Variants in RALYL observed in about 807,000 individuals in gnomAD.
RALYL encodes RNA-binding Raly-like protein.
In RALYL, 29 loss-of-function variants were observed where a neutral mutation model predicts 35.1. The ratio of observed to expected loss-of-function variants is 0.83; its 90% CI spans 0.61 to 1.13. RALYL has a LOEUF of 1.13. Among genes scored for constraint, RALYL ranks in the 50% most tolerant of loss-of-function variants. RALYL has a pLI of 0.00. For synonymous variants in RALYL, 120 were observed against 127.6 expected (o/e 0.94, Z 0.40); for missense variants, 359 against 360.4 (o/e 1.00, Z 0.03).
At chr8:84,412,712 A>G (rs929072514) in intron 1 of RALYL, among the ~76,000 whole-genome samples, 2 of 152,052 alleles carry the variant, frequency 1.3e-5, no homozygotes, top group Non-Finnish European at 2.9e-5. Context: ...AATTAGGTAG[A>G]TATTTTCTTG....
At position 84,349,843 on chromosome 8, in the gene RALYL, C is replaced by T. The variant is rs186846206; in HGVS notation, c.-24+165419C>T. ...AATGAGATGGAGGAATCACCCATCA[C>T]CTTAATGAGGTTAGGCCTGAGCCAA... On this transcript the variant is annotated intron_variant, in intron 1 of 8. Coordinates refer to ENST00000521268, the MANE Select transcript of RALYL (RefSeq NM_173848.7). Among the ~76,000 whole-genome samples the T allele has an allele frequency of 4.3e-4, 64 of 150,246 alleles. 2 individuals carry two copies. Among genetic ancestry groups the T allele is most frequent in the African/African-American group, 1.4e-3 (58 of 40,356 alleles).
chr8:84,610,161 A>AT (rs1242698206), intron 2 of RALYL, among the ~76,000 whole-genome samples: 3 of 151,886 alleles, frequency 2.0e-5, no homozygotes, highest in Admixed American at 6.6e-5. Flanking sequence ...GTTTATTAAG[A>AT]TTTTTTTCTT....
intron 1 of RALYL, among the ~76,000 whole-genome samples, chr8:84,287,046 T>A (rs1044482616): frequency 6.6e-6 from 1 of 152,222 alleles, no homozygotes; most frequent in African/African-American, 2.4e-5. Flanking sequence ...TAAGCTACTG[T>A]TACTTTCTTG....
intron 1 of RALYL, among the ~76,000 whole-genome samples, chr8:84,401,217 C>A (rs1264188739): frequency 6.6e-6 from 1 of 151,254 alleles, no homozygotes; most frequent in Non-Finnish European, 1.5e-5. Context: ...AATGTGCTTT[C>A]TTTTCTTCTT....
chr8:84,607,004 GT>G (rs1817294170), intron 2 of RALYL, among the ~76,000 whole-genome samples: 1 of 152,022 alleles, frequency 6.6e-6, no homozygotes, highest in African/African-American at 2.4e-5. Context: ...GGGTGTGTGT[GT>G]GTGTGTTTGT....
At chr8:84,286,555 G>A (rs188639514) in intron 1 of RALYL, among the ~76,000 whole-genome samples, 251 of 152,290 alleles carry the variant, frequency 1.6e-3, no homozygotes, top group African/African-American at 5.6e-3. Context: ...CTGGGAGCTC[G>A]TGCTTAAAAC....
intron 2 of RALYL, among the ~76,000 whole-genome samples, chr8:84,753,909 A>T (rs1463655145): frequency 6.6e-6 from 1 of 151,952 alleles, no homozygotes; most frequent in African/African-American, 2.4e-5. Flanking sequence ...GCATTTTTTC[A>T]TGTGTTTTTT....
At chr8:84,809,121 G>GTATT (rs1825329474) in intron 4 of RALYL, among the ~76,000 whole-genome samples, 1 of 152,114 alleles carries the variant, frequency 6.6e-6, no homozygotes, top group South Asian at 2.1e-4. Flanking sequence ...TCCCCATTCA[G>GTATT]TATTATGTTG....
intron 1 of RALYL, among the ~76,000 whole-genome samples, chr8:84,365,722 A>C (rs1291252718): frequency 6.6e-6 from 1 of 152,230 alleles, no homozygotes; most frequent in Non-Finnish European, 1.5e-5. Flanking sequence ...TCTTGGATAC[A>C]GACAACAGAA....
At chr8:84,842,329 AC>A (rs1833602850) in intron 4 of RALYL, among the ~76,000 whole-genome samples, 1 of 152,254 alleles carries the variant, frequency 6.6e-6, no homozygotes, top group Admixed American at 6.5e-5. Context: ...ATCAGGGAAT[AC>A]TATAAACACC....
At chr8:84,629,808 A>T (rs574466239) in intron 2 of RALYL, among the ~76,000 whole-genome samples, 1 of 152,146 alleles carries the variant, frequency 6.6e-6, no homozygotes, top group African/African-American at 2.4e-5. Flanking sequence ...TGTGTTTTCT[A>T]ATTTTCCTAC....
chr8:84,847,414 T>C lies in RALYL; in HGVS notation c.366-2566T>C, dbSNP rs188457698. 3.0e-3 allele frequency among the ~76,000 whole-genome samples: 460 copies of C among 152,282 alleles called. 2 individuals are homozygous for C. Among genetic ancestry groups the C allele is most frequent in the African/African-American group, 0.011 (442 of 41,554 alleles). On this transcript the variant is annotated intron_variant, in intron 4 of 8. Coordinates refer to ENST00000521268, the MANE Select transcript of RALYL (RefSeq NM_173848.7). ...TCAGCCTCAGTTACTGTGTCACCTCTCTGTTGACTCTCAGTGTTTTCTCTC... is the reference window on the plus strand; with the variant it reads ...TCAGCCTCAGTTACTGTGTCACCTCCCTGTTGACTCTCAGTGTTTTCTCTC...
chr8:84,823,880 A>G (rs1829053189), intron 4 of RALYL, among the ~76,000 whole-genome samples: 1 of 152,092 alleles, frequency 6.6e-6, no homozygotes, highest in South Asian at 2.1e-4. Flanking sequence ...ATTAAGAGGC[A>G]TCTGTGACAA....
At chr8:84,386,287 AT>A (rs917238103) in intron 1 of RALYL, among the ~76,000 whole-genome samples, 1 of 151,806 alleles carries the variant, frequency 6.6e-6, no homozygotes, top group Non-Finnish European at 1.5e-5. Context: ...CTTTGTTAGA[AT>A]TTATATTAGA....
At chr8:84,477,736 T>C (rs1276925112) in intron 1 of RALYL, among the ~76,000 whole-genome samples, 1 of 151,584 alleles carries the variant, frequency 6.6e-6, no homozygotes. Context: ...GAAAGTAATT[T>C]TTACCATTTT....
intron 1 of RALYL, among the ~76,000 whole-genome samples, chr8:84,251,114 G>A (rs1180478621): frequency 6.6e-6 from 1 of 152,066 alleles, no homozygotes. Flanking sequence ...GACTGAGAAT[G>A]CCTTTTTTAC....
chr8:84,250,808 A>AG (rs1830040520), intron 1 of RALYL, among the ~76,000 whole-genome samples: 1 of 152,264 alleles, frequency 6.6e-6, no homozygotes, highest in East Asian at 1.9e-4. Context: ...TAATGGAAAA[A>AG]TAGGGTGTAA....
At chr8:84,521,369 C>T (rs771407209) in intron 1 of RALYL, among the ~76,000 whole-genome samples, 24 of 152,188 alleles carry the variant, frequency 1.6e-4, no homozygotes, top group Admixed American at 9.8e-4. Context: ...CTCAGTATGG[C>T]ATTTTTAAAA....
At chr8:84,276,525 A>G (rs1432607509) in intron 1 of RALYL, among the ~76,000 whole-genome samples, 2 of 152,216 alleles carry the variant, frequency 1.3e-5, no homozygotes, top group African/African-American at 4.8e-5. Flanking sequence ...TTTTGCAATT[A>G]ATCAAACTGA....
Sources: gnomAD v4.1 joint callset for allele counts (sites outside exome capture counted in the v4.1 genomes callset) on GRCh38, gnomAD v4.1.1 for gene constraint, MANE v1.5 for transcripts, NCBI Gene and HGNC (gene_info 2026-07-23, HGNC 2026-07-21) for gene names.